PGRMC1: variants seen among roughly 807,000 people sequenced by gnomAD.
PGRMC1 encodes the protein progesterone receptor membrane component 1.
For synonymous variants in PGRMC1, 73 were observed against 77.3 expected, an observed-to-expected ratio of 0.94 and a Z score of 0.29; for missense variants, 145 against 169.0, an observed-to-expected ratio of 0.86 and a Z score of 0.79.
chrX:119,236,331 G>C lies in PGRMC1; in HGVS notation c.-33G>C. On this transcript the variant is annotated 5_prime_UTR_variant, in exon 1 of 3. Coordinates refer to ENST00000217971, the MANE Select transcript of PGRMC1 (RefSeq NM_006667.5). ...AGAAAGTGGCGAGTTCCGGATCCCT[G>C]CCTAGCGCGGCCCAACCTTTACTCC... The C allele has an allele frequency of 8.6e-7, 1 of 1,163,826 alleles. No homozygotes were observed. Among genetic ancestry groups the C allele is most frequent in the Non-Finnish European group, 1.2e-6 (1 of 855,811 alleles).
intron 2 of PGRMC1, 147 bp from the exon 3 acceptor site, chrX:119,243,004 G>A: frequency 2.0e-6 from 1 of 506,258 alleles, no homozygotes. Flanking sequence ...CAAGGACGGT[G>A]GTATAAACCA....
Position 119,243,312 on chromosome X carries a change from ACT to A in PGRMC1, c.*61_*62del, listed in dbSNP as rs1292283583. On this transcript the variant is annotated 3_prime_UTR_variant, in exon 3 of 3. Transcript: ENST00000217971. Reference sequence around the variant, plus strand: ...TTTGCAAAATCATTTGTAACAGTCCACTCTGTCTTTAAAACATAGTGATTACA... The same window carrying A: ...TTTGCAAAATCATTTGTAACAGTCCACTGTCTTTAAAACATAGTGATTACA... The A allele has an allele frequency of 7.2e-6, 5 of 695,243 alleles. No individual in the cohort carries two copies. The highest frequency in any genetic ancestry group is 2.1e-5 in the African/African-American group (1 of 47,380). The allele number at this position is 695,243 out of a possible 1,213,427, so 57.3% of individuals were successfully genotyped here.
chrX:119,242,631 A>G (rs1930844764), intron 2 of PGRMC1, among the ~76,000 whole-genome samples: 1 of 111,337 alleles, frequency 9.0e-6, no homozygotes, highest in Admixed American at 9.6e-5. Context: ...GATCTTTCAT[A>G]ATATTTCCCC....
intron 1 of PGRMC1, among the ~76,000 whole-genome samples, chrX:119,238,566 G>A (rs1201122289): frequency 8.9e-6 from 1 of 112,530 alleles, no homozygotes; most frequent in Admixed American, 9.3e-5. Flanking sequence ...CAGAGTCATT[G>A]AGAGGATGTC....
rs1436911081 is a variant in PGRMC1 at position 119,243,138 on chromosome X, T to C, written c.485-13T>C. 1.9e-6 allele frequency: 2 copies of C among 1,072,260 alleles called. No individual in the cohort carries two copies. Among genetic ancestry groups the C allele is most frequent in the Admixed American group, 2.2e-5 (1 of 45,912 alleles). 88.4% of individuals were successfully genotyped at this position (1,072,260 alleles called of 1,213,427 possible). On this transcript the variant is annotated splice_polypyrimidine_tract_variant and intron_variant, in intron 2 of 2. Transcript: ENST00000217971. Reference sequence around the variant, plus strand: ...ATGAGAATGACCATTTGTGTTTTCTTCTCTACCTCCAGTCAAGTATCATCA... The same window carrying C: ...ATGAGAATGACCATTTGTGTTTTCTCCTCTACCTCCAGTCAAGTATCATCA...
chrX:119,243,051 G>A, intron 2 of PGRMC1, 100 bp from the exon 3 acceptor site: 1 of 570,581 alleles, frequency 1.8e-6, no homozygotes, highest in African/African-American at 2.2e-5. Context: ...ACATTGCTGA[G>A]TATATTGCAG....
chrX:119,236,950 T>C (rs1261015630), intron 1 of PGRMC1, among the ~76,000 whole-genome samples: 1 of 111,211 alleles, frequency 9.0e-6, no homozygotes, highest in Non-Finnish European at 1.9e-5. Flanking sequence ...GGGAGGGGGT[T>C]AGAGAAAGAA....
At chrX:119,236,846 G>A (rs1054352485) in intron 1 of PGRMC1, among the ~76,000 whole-genome samples, 155 bp downstream of exon 1, 9 of 112,397 alleles carry the variant, frequency 8.0e-5, no homozygotes, top group Non-Finnish European at 1.3e-4. Context: ...GCGGAGAGCC[G>A]GGAGGCTCCC....
chrX:119,240,826 C>T (rs988763159), intron 2 of PGRMC1, among the ~76,000 whole-genome samples: 8 of 111,783 alleles, frequency 7.2e-5, no homozygotes, highest in African/African-American at 2.6e-4. Context: ...TAGAGCTTGC[C>T]GTTTAAAAGC....
At chrX:119,240,586 T>C (rs1436606523) in intron 2 of PGRMC1, 122 bp downstream of exon 2, 1 of 546,420 alleles carries the variant, frequency 1.8e-6, no homozygotes, top group Admixed American at 2.8e-5. Flanking sequence ...TCCTTAATCT[T>C]GGACGCATCA....
In PGRMC1 at chrX:119,236,654, G is replaced by A; in HGVS notation, c.291G>A (p.Val97=). The A allele has an allele frequency of 8.3e-7, 1 of 1,205,058 alleles. No individual in the cohort carries two copies. The highest frequency in any genetic ancestry group is 1.1e-6 in the Non-Finnish European group (1 of 892,419). The change falls in exon 1 of 3, where the codon GTG becomes GTA. Residue 97 remains valine, a synonymous_variant. Coordinates refer to ENST00000217971, the MANE Select transcript of PGRMC1 (RefSeq NM_006667.5). ...PRILMAINGK[V]FDVTKGRKFY... ...TACTCATGGCCATCAACGGCAAGGTGTTCGATGTGACCAAAGGCCGCAAAT... is the reference window on the plus strand; with the variant it reads ...TACTCATGGCCATCAACGGCAAGGTATTCGATGTGACCAAAGGCCGCAAAT...
rs1490295565 is a variant in PGRMC1, at chrX:119,236,601, C to T, written c.238C>T (p.Arg80Cys). 1.7e-6 allele frequency: 2 copies of T among 1,206,611 alleles called. No homozygotes were observed. Among genetic ancestry groups the T allele is most frequent in the South Asian group, 1.8e-5 (1 of 56,260 alleles). Residue 80 changes from arginine (R) to cysteine (C), a missense_variant, in exon 1 of 3, where the codon CGC becomes TGC. Physicochemically the swap from Arg to Cys is radical, Grantham distance 180. Coordinates refer to ENST00000217971, the MANE Select transcript of PGRMC1 (RefSeq NM_006667.5). ...RRDFTPAELR[R>C]FDGVQDPRIL... ...CGACTTCACCCCCGCCGAGCTGCGG[C>T]GCTTCGACGGCGTCCAGGACCCGCG...
chrX:119,236,371 C>T lies in PGRMC1; in HGVS notation c.8C>T (p.Ala3Val), dbSNP rs1423129391. The T allele has an allele frequency of 1.7e-6, 2 of 1,208,269 alleles. No individual in the cohort carries two copies. Among genetic ancestry groups the T allele is most frequent in the Non-Finnish European group, 2.2e-6 (2 of 893,807 alleles). Residue 3 changes from alanine (A) to valine (V), a missense_variant, in exon 1 of 3, where the codon GCC (alanine) becomes GTC (valine). By Grantham distance (64) the Ala-to-Val change is moderately conservative. Transcript: ENST00000217971. MAAEDVVATGADP... is the reference protein window; with the variant it reads MAVEDVVATGADP... ...ACCTTTACTCCAGAGATCATGGCTG[C>T]CGAGGATGTGGTGGCGACTGGCGCC... is the stretch of plus-strand genomic sequence containing the variant.
At chrX:119,240,654 A>G (rs1013981022) in intron 2 of PGRMC1, among the ~76,000 whole-genome samples, 190 bp downstream of exon 2, 1 of 111,720 alleles carries the variant, frequency 9.0e-6, no homozygotes, top group Non-Finnish European at 1.9e-5. Flanking sequence ...ATTGCATACC[A>G]ATTTTTAGCC....
intron 2 of PGRMC1, among the ~76,000 whole-genome samples, chrX:119,242,476 T>C (rs1409181064): frequency 1.8e-5 from 2 of 111,564 alleles, no homozygotes; most frequent in Non-Finnish European, 3.8e-5. Flanking sequence ...ATCGCCCTGT[T>C]CCCAGTCTCT....
chrX:119,237,393 A>G (rs1182661679), intron 1 of PGRMC1, among the ~76,000 whole-genome samples: 1 of 109,595 alleles, frequency 9.1e-6, no homozygotes, highest in Non-Finnish European at 1.9e-5. Flanking sequence ...CGCGCTTGAA[A>G]TGGGTCATGC....
intron 1 of PGRMC1, 75 bp downstream of exon 1, chrX:119,236,766 G>C (rs912560081): frequency 2.3e-5 from 20 of 880,950 alleles, no homozygotes; most frequent in Non-Finnish European, 3.1e-5. Context: ...AGAGAGGCGA[G>C]GCGGGAGCGG....
chrX:119,238,719 T>C (rs956616805), intron 1 of PGRMC1, among the ~76,000 whole-genome samples: 2 of 112,161 alleles, frequency 1.8e-5, no homozygotes, highest in Non-Finnish European at 3.8e-5. Context: ...AAAGATGGCC[T>C]ATTGTGAGAT....
intron 1 of PGRMC1, among the ~76,000 whole-genome samples, chrX:119,239,377 T>A (rs187272512): frequency 8.9e-6 from 1 of 112,484 alleles, no homozygotes; most frequent in Non-Finnish European, 1.9e-5. Context: ...ATTCTCATAC[T>A]TGGTTCCCTA....
Sources: allele counts gnomAD v4.1 joint callset (sites outside exome capture counted in the v4.1 genomes callset), GRCh38; gene constraint gnomAD v4.1.1; transcripts MANE v1.5; gene names NCBI Gene and HGNC (gene_info 2026-07-23, HGNC 2026-07-21).